Variants in CENPO observed in about 807,000 individuals in gnomAD.
CENPO encodes centromeric protein O.
CENPO carries 30 observed loss-of-function variants against 36.1 expected under a neutral mutation model. That is an observed-to-expected ratio of 0.83 (90% CI 0.62 to 1.13). The LOEUF (loss-of-function observed/expected upper bound fraction) is 1.13, where lower values mean the gene tolerates loss of function less well. CENPO is among the 50% of genes most tolerant of loss of function. CENPO has a pLI of 0.00. For missense variants in CENPO, 349 were observed against 357.8 expected (o/e 0.98, Z 0.20); for synonymous variants, 171 against 142.3 (o/e 1.20, Z -1.44).
chr2:24,815,825 G>A (rs967162131), intron 5 of CENPO, 69 bp downstream of exon 5: 14 of 1,440,468 alleles, frequency 9.7e-6, no homozygotes, highest in African/African-American at 1.4e-5. Context: ...GATGTTTTTT[G>A]TATTTTCAGT....
rs906880832 is a variant in CENPO at position 24,820,601 on chromosome 2, G to A, written c.*1283G>A. ...AGAGATTCTTTTCCACTTGCCCCACGTCTCTGCCTCTGGACTTACTGTTCA... is the reference window on the plus strand; with the variant it reads ...AGAGATTCTTTTCCACTTGCCCCACATCTCTGCCTCTGGACTTACTGTTCA... On this transcript the variant is annotated 3_prime_UTR_variant, in exon 8 of 8. Coordinates refer to ENST00000380834, the MANE Select transcript of CENPO (RefSeq NM_001322101.2). 16 of 1,499,696 alleles carry A rather than the reference G, an allele frequency of 1.1e-5. No individual in the cohort carries two copies. The highest frequency in any genetic ancestry group is 6.2e-5 in the Admixed American group (3 of 48,206). The allele number at this position is 1,499,696 out of a possible 1,614,324, so 92.9% of individuals were successfully genotyped here. A position where few individuals can be genotyped will look rare whatever the true frequency, so the allele number is the denominator to read the frequency against.
rs751915642 is a variant in CENPO at position 24,793,486 on chromosome 2, C to G, written c.-84C>G. ...TTTGAAGACGTGGATGGCGGGAATT[C>G]TCGCTTCTGGCCTGGGTGAGCTAGA... On this transcript the variant is annotated 5_prime_UTR_variant, in exon 1 of 8. Coordinates refer to ENST00000380834, the MANE Select transcript of CENPO (RefSeq NM_001322101.2). 8.7e-6 allele frequency: 14 copies of G among 1,602,136 alleles called. No individual in the cohort carries two copies. Among genetic ancestry groups the G allele is most frequent in the Admixed American group, 1.7e-5 (1 of 58,830 alleles).
intron 3 of CENPO, among the ~76,000 whole-genome samples, chr2:24,807,502 A>T (rs1460830560): frequency 6.6e-6 from 1 of 152,152 alleles, no homozygotes; most frequent in African/African-American, 2.4e-5. Context: ...ATTCTATTTT[A>T]TGAGTATACT....
At chr2:24,808,829 T>A (rs980166365) in intron 3 of CENPO, among the ~76,000 whole-genome samples, 22 of 152,102 alleles carry the variant, frequency 1.4e-4, no homozygotes, top group African/African-American at 5.1e-4. Flanking sequence ...GGTAACTTTG[T>A]CAGGTTTTGG....
At chr2:24,804,975 G>C (rs1666324260) in intron 3 of CENPO, among the ~76,000 whole-genome samples, 1 of 152,204 alleles carries the variant, frequency 6.6e-6, no homozygotes, top group African/African-American at 2.4e-5. Flanking sequence ...ATCAGACGTA[G>C]ATTTGGTCTT....
Position 24,815,495 on chromosome 2 carries a change from A to G in CENPO, c.335-2A>G. The G allele has an allele frequency of 6.2e-7, 1 of 1,613,578 alleles. No individual in the cohort carries two copies. The highest frequency in any genetic ancestry group is 8.5e-7 in the Non-Finnish European group (1 of 1,179,508). The stretch of plus-strand genomic sequence containing the variant: ...ATTGAGGTGTCTTCTTGTTTGCCTC[A>G]GGCCTCAGTGGTAAACTGACCAGCC... On this transcript the variant is annotated splice_acceptor_variant, in intron 4 of 7. Transcript: ENST00000380834. LOFTEE classifies it high-confidence loss of function.
In CENPO at chr2:24,818,787, C is replaced by T. The variant is rs1010745413; in HGVS notation, c.*36-567C>T. ...CCTGCTGGCACCTCTGGTTCCTTGGCGTGTGGGTCACTCACAGATATGAAA... is the reference window on the plus strand; with the variant it reads ...CCTGCTGGCACCTCTGGTTCCTTGGTGTGTGGGTCACTCACAGATATGAAA... On this transcript the variant is annotated intron_variant, in intron 7 of 7. Transcript: ENST00000380834. Among the ~76,000 whole-genome samples the T allele has an allele frequency of 3.3e-5, 5 of 152,280 alleles. No homozygotes were observed. In the East Asian group the frequency reaches 5.8e-4, roughly 18 times the overall value.
At chr2:24,816,444 C>T (rs982729138) in intron 5 of CENPO, 1 of 553,180 alleles carries the variant, frequency 1.8e-6, no homozygotes, top group African/African-American at 1.9e-5. Flanking sequence ...GCCTATAGGC[C>T]TTTCCAGGCT....
rs774750994 is a variant in CENPO, at chr2:24,819,980, G to A, written c.*662G>A. The A allele has an allele frequency of 6.2e-7, 1 of 1,613,718 alleles. No individual in the cohort carries two copies. Among genetic ancestry groups the A allele is most frequent in the South Asian group, 1.1e-5 (1 of 91,044 alleles). ...GGGGCAGTGTGACAGAGGGGCCATT[G>A]GGGAAGGTGGCTAGCTTATCCCGCC... On this transcript the variant is annotated 3_prime_UTR_variant, in exon 8 of 8. Coordinates refer to ENST00000380834, the MANE Select transcript of CENPO (RefSeq NM_001322101.2).
At position 24,820,931 on chromosome 2, in the gene CENPO, T is replaced by C. The variant is rs575048359; in HGVS notation, c.*1613T>C. ...AGAAGCCATCTCCTCTCCAGACCTG[T>C]ACCACAAAGCTCCTAATGTAACACA... On this transcript the variant is annotated 3_prime_UTR_variant, in exon 8 of 8. Transcript: ENST00000380834. The C allele has an allele frequency of 6.4e-7, 1 of 1,551,756 alleles. No individual in the cohort carries two copies. Among genetic ancestry groups the C allele is most frequent in the South Asian group, 1.2e-5 (1 of 82,250 alleles).
chr2:24,803,164 C>G (rs1048693129), intron 3 of CENPO, among the ~76,000 whole-genome samples: 1 of 150,570 alleles, frequency 6.6e-6, no homozygotes, highest in Non-Finnish European at 1.5e-5. Flanking sequence ...TCTGTGGGAT[C>G]GGTGGTGATA....
intron 2 of CENPO, among the ~76,000 whole-genome samples, chr2:24,794,714 TTTC>T (rs1253981382): frequency 6.6e-6 from 1 of 152,244 alleles, no homozygotes; most frequent in African/African-American, 2.4e-5. Context: ...AGTAAGTTGC[TTTC>T]TTCTTTAGTG....
intron 7 of CENPO, among the ~76,000 whole-genome samples, chr2:24,818,423 C>G (rs1048324029): frequency 2.0e-5 from 3 of 151,832 alleles, no homozygotes; most frequent in Non-Finnish European, 1.5e-5. Flanking sequence ...TTTATGAAAG[C>G]TTTAAGTAAT....
intron 3 of CENPO, among the ~76,000 whole-genome samples, chr2:24,806,495 A>G (rs1013102903): frequency 1.3e-5 from 2 of 152,130 alleles, no homozygotes; most frequent in East Asian, 1.9e-4. Context: ...GTCAGGCACT[A>G]CTGGTAAGCC....
At chr2:24,816,845 T>C (rs1453001216) in intron 6 of CENPO, 28 bp downstream of exon 6, 3 of 1,553,804 alleles carry the variant, frequency 1.9e-6, no homozygotes, top group African/African-American at 1.4e-5. Context: ...GTGCAGAAAT[T>C]CTCATATCCC....
At position 24,820,953 on chromosome 2, in the gene CENPO, C is replaced by CA; in HGVS notation, c.*1636dup. Reference sequence around the variant, plus strand: ...CTGTACCACAAAGCTCCTAATGTAACACATCATTGTCCTCATTCAACTTGG... The same window carrying CA: ...CTGTACCACAAAGCTCCTAATGTAACAACATCATTGTCCTCATTCAACTTGG... On this transcript the variant is annotated 3_prime_UTR_variant, in exon 8 of 8. Transcript: ENST00000380834. The CA allele has an allele frequency of 1.4e-6, 2 of 1,476,700 alleles. No homozygotes were observed. Among genetic ancestry groups the CA allele is most frequent in the South Asian group, 2.6e-5 (2 of 77,172 alleles). The allele number at this position is 1,476,700 out of a possible 1,614,324, so 91.5% of individuals were successfully genotyped here.
In CENPO at chr2:24,819,799, A is replaced by T; in HGVS notation, c.*481A>T. On this transcript the variant is annotated 3_prime_UTR_variant, in exon 8 of 8. Coordinates refer to ENST00000380834, the MANE Select transcript of CENPO (RefSeq NM_001322101.2). ...CCTCAGAGCTCACACATCCACGAAC[A>T]AATGAAGGCTGAGGAGGTTTCTAAA... 1 of 964,904 alleles carries T rather than the reference A, an allele frequency of 1.0e-6. No individual in the cohort carries two copies. The highest frequency in any genetic ancestry group is 1.7e-5 in the South Asian group (1 of 57,950). The allele number at this position is 964,904 out of a possible 1,614,324, so 59.8% of individuals were successfully genotyped here.
intron 3 of CENPO, among the ~76,000 whole-genome samples, chr2:24,812,466 A>G (rs1487920855): frequency 6.6e-6 from 1 of 151,806 alleles, no homozygotes; most frequent in Non-Finnish European, 1.5e-5. Flanking sequence ...GTTTTACAAC[A>G]TTGGCCAATA....
chr2:24,798,075 G>C (rs537000531), intron 2 of CENPO, among the ~76,000 whole-genome samples: 26 of 152,264 alleles, frequency 1.7e-4, no homozygotes, highest in African/African-American at 6.3e-4. Context: ...CAGCCAGTAA[G>C]TGTAATGCAA....
Sources: allele counts gnomAD v4.1 joint callset (sites outside exome capture counted in the v4.1 genomes callset), GRCh38; gene constraint gnomAD v4.1.1; transcripts MANE v1.5; gene names NCBI Gene and HGNC (gene_info 2026-07-23, HGNC 2026-07-21).